The following PTPRN2 variants were observed in gnomAD, a reference collection of about 807,000 sequenced individuals.
PTPRN2 encodes the protein protein tyrosine phosphatase receptor type N2.
In PTPRN2, 74 loss-of-function variants were observed where a neutral mutation model predicts 118.8. The ratio of observed to expected loss-of-function variants is 0.62; its 90% CI spans 0.52 to 0.76. The LOEUF is 0.76. PTPRN2 is among the 30% of genes least tolerant of loss of function. The probability of loss-of-function intolerance (pLI) is 0.00; values close to 1 mark genes in which losing one functional copy is unlikely to be tolerated. For missense variants in PTPRN2, 1,481 were observed against 1,394.4 expected (o/e 1.06, Z -0.99); for synonymous variants, 641 against 608.0 (o/e 1.05, Z -0.80).
At chr7:157,655,124 T>G (rs560668738) in intron 14 of PTPRN2, among the ~76,000 whole-genome samples, 3 of 152,284 alleles carry the variant, frequency 2.0e-5, no homozygotes, top group African/African-American at 7.2e-5. Flanking sequence ...TTCTGGCGGG[T>G]GGTCCGGCTT....
Position 157,548,813 on chromosome 7 carries a change from C to A in PTPRN2, c.2976+133G>T, listed in dbSNP as rs532697109. On this transcript the variant is annotated intron_variant, in intron 22 of 22. Transcript: ENST00000389418. Reference sequence around the variant, plus strand: ...CCCGCCCATGCAAGGCCGGCATGGACGAGGCCGGTCAGAGCAGAGCAATCG... The same window carrying A: ...CCCGCCCATGCAAGGCCGGCATGGAAGAGGCCGGTCAGAGCAGAGCAATCG... 18 of 918,624 alleles carry A rather than the reference C, an allele frequency of 2.0e-5. No homozygotes were observed. The South Asian group carries it at 2.4e-4, about 12-fold the overall frequency. 56.9% of individuals were successfully genotyped at this position (918,624 alleles called of 1,614,324 possible).
chr7:158,397,628 G>A (rs1812619812), intron 2 of PTPRN2, among the ~76,000 whole-genome samples: 1 of 152,058 alleles, frequency 6.6e-6, no homozygotes, highest in East Asian at 1.9e-4. Flanking sequence ...GGCAGGTCTG[G>A]GCCTGTCCTG....
intron 12 of PTPRN2, among the ~76,000 whole-genome samples, chr7:157,802,593 G>C (rs1054616270): frequency 6.6e-6 from 1 of 152,214 alleles, no homozygotes; most frequent in Non-Finnish European, 1.5e-5. Flanking sequence ...ATAAATATCT[G>C]GAAGTGGGAT....
rs1217285461 is a variant in PTPRN2 at position 157,595,280 on chromosome 7, G to A, written c.2454C>T (p.Ala818=). 1.9e-6 allele frequency: 3 copies of A among 1,614,136 alleles called. No homozygotes were observed. The African/African-American group carries it at 4.0e-5, about 22-fold the overall frequency. ...CGGTGGCGGGCAGCGGTCCCTGGGT[G>A]GCGATGTACGCGGGGTTCCTCGGGT... is the stretch of plus-strand genomic sequence containing the variant. ...DHDPRNPAYI[A]TQGPLPATVA... The change falls in exon 17 of 23, where the codon GCC becomes GCT. Residue 818 remains alanine (A), a synonymous_variant. Transcript: ENST00000389418.
intron 1 of PTPRN2, among the ~76,000 whole-genome samples, chr7:158,515,717 A>C (rs939319121): frequency 6.7e-6 from 1 of 149,034 alleles, no homozygotes; most frequent in African/African-American, 2.5e-5. Context: ...CTGTTTCCCT[A>C]CTCTCCATCC....
chr7:158,395,771 GGT>G lies in PTPRN2; in HGVS notation c.164-78841_164-78840del, dbSNP rs530719128. ...GAGGGGTGAGGCGCGAGGGGCGAGG[GGT>G]GAGGCGCGAGGGGCGAGGGGTGAGG... On this transcript the variant is annotated intron_variant, in intron 2 of 22. Transcript: ENST00000389418. 1.9e-4 allele frequency among the ~76,000 whole-genome samples: 23 copies of G among 123,526 alleles called. 2 individuals carry two copies. Among genetic ancestry groups the G allele is most frequent in the African/African-American group, 6.2e-4 (19 of 30,812 alleles). The allele number at this position is 123,526 out of a possible 152,430, so 81.0% of individuals were successfully genotyped here.
At chr7:157,945,933 C>G (rs1297121764) in intron 11 of PTPRN2, among the ~76,000 whole-genome samples, 2 of 152,106 alleles carry the variant, frequency 1.3e-5, no homozygotes, top group African/African-American at 4.8e-5. Context: ...CCTGGACATC[C>G]CTACCCTGCT....
Position 157,918,521 on chromosome 7 carries a change from T to A in PTPRN2, c.1724-19784A>T, listed in dbSNP as rs1367621869. On this transcript the variant is annotated intron_variant, in intron 11 of 22. Transcript: ENST00000389418. Reference sequence around the variant, plus strand: ...AGTCATCTTCCTAGGACAGGTGCCTTCACTCGCATCAAACTACTCATTATC... The same window carrying A: ...AGTCATCTTCCTAGGACAGGTGCCTACACTCGCATCAAACTACTCATTATC... Among the ~76,000 whole-genome samples, 3 of 152,258 alleles carry A rather than the reference T, an allele frequency of 2.0e-5. No homozygotes were observed. In the East Asian group the frequency reaches 5.8e-4, roughly 29 times the overall value.
At chr7:157,556,633 GCACA>G (rs1377418880) in intron 21 of PTPRN2, among the ~76,000 whole-genome samples, 2 of 149,014 alleles carry the variant, frequency 1.3e-5, no homozygotes, top group South Asian at 2.1e-4. Flanking sequence ...ATATGCACAT[GCACA>G]CACACACATT....
At chr7:157,754,287 G>C (rs1254175453) in intron 12 of PTPRN2, among the ~76,000 whole-genome samples, 1 of 152,228 alleles carries the variant, frequency 6.6e-6, no homozygotes, top group Non-Finnish European at 1.5e-5. Flanking sequence ...GAGCCGTCAG[G>C]ACACTGAGCC....
chr7:157,976,075 G>A (rs549390815), intron 11 of PTPRN2, among the ~76,000 whole-genome samples: 2 of 152,252 alleles, frequency 1.3e-5, no homozygotes, highest in Non-Finnish European at 2.9e-5. Context: ...CCAAGTCCTT[G>A]TAGCACAAGG....
chr7:157,823,230 A>G (rs1806963154), intron 12 of PTPRN2, among the ~76,000 whole-genome samples: 3 of 152,266 alleles, frequency 2.0e-5, no homozygotes, highest in Non-Finnish European at 4.4e-5. Flanking sequence ...AATATTTAAT[A>G]AAACCTTAAA....
Position 157,974,907 on chromosome 7 carries a change from C to T in PTPRN2, c.1724-76170G>A, listed in dbSNP as rs1344368723. Among the ~76,000 whole-genome samples, 8 of 152,186 alleles carry T rather than the reference C, an allele frequency of 5.3e-5. No individual in the cohort carries two copies. In the East Asian group the frequency reaches 1.5e-3, roughly 29 times the overall value. ...CCCTCAGGCATGTTCACCATCATGG[C>T]GCACATGTCTGGGAGTGAGCAGAGG... On this transcript the variant is annotated intron_variant, in intron 11 of 22. Coordinates refer to ENST00000389418, the MANE Select transcript of PTPRN2 (RefSeq NM_002847.5). The surrounding 1 kb of genome is among the most constrained non-coding windows in gnomAD (Gnocchi z 4.0).
At chr7:158,201,057 GT>G (rs71302094) in intron 4 of PTPRN2, among the ~76,000 whole-genome samples, 37 of 147,978 alleles carry the variant, frequency 2.5e-4, no homozygotes, top group South Asian at 6.4e-4. Flanking sequence ...AAAAAAAGTG[GT>G]TTTTTTTTTT....
rs182429540 is a variant in PTPRN2 at position 158,201,864 on chromosome 7, C to T, written c.380+3307G>A. 1.3e-4 allele frequency among the ~76,000 whole-genome samples: 20 copies of T among 152,292 alleles called. No individual in the cohort carries two copies. The East Asian group carries it at 2.9e-3, about 22-fold the overall frequency. Reference sequence around the variant, plus strand: ...ACCAATGTATTTGATTGATGTCTCACGCCTCCCTAAAATCTATAAAACCAA... The same window carrying T: ...ACCAATGTATTTGATTGATGTCTCATGCCTCCCTAAAATCTATAAAACCAA... On this transcript the variant is annotated intron_variant, in intron 4 of 22. Transcript: ENST00000389418.
intron 2 of PTPRN2, among the ~76,000 whole-genome samples, chr7:158,406,532 G>A (rs1351440372): frequency 6.6e-6 from 1 of 152,258 alleles, no homozygotes; most frequent in Non-Finnish European, 1.5e-5. Context: ...AGGAAGAGCT[G>A]GTCATGCCTG....
rs185759510 is a variant in PTPRN2 at position 157,633,555 on chromosome 7, G to A, written c.2197-12046C>T. ...AGAAGATGCGGACAAGAGTCACGAC[G>A]CAGAGCCTGGGTGTGGGGACGGGGT... On this transcript the variant is annotated intron_variant, in intron 14 of 22. Transcript: ENST00000389418. Among the ~76,000 whole-genome samples, 384 of 152,334 alleles carry A rather than the reference G, an allele frequency of 2.5e-3. 2 individuals carry two copies. The highest frequency in any genetic ancestry group is 8.7e-3 in the African/African-American group (363 of 41,570).
At chr7:158,224,543 A>T (rs550662983) in intron 3 of PTPRN2, among the ~76,000 whole-genome samples, 1 of 152,322 alleles carries the variant, frequency 6.6e-6, no homozygotes, top group African/African-American at 2.4e-5. Flanking sequence ...TCCACAGGCA[A>T]AAACAGGAAC....
chr7:158,208,880 G>T (rs1827367336), intron 3 of PTPRN2, among the ~76,000 whole-genome samples: 1 of 152,050 alleles, frequency 6.6e-6, no homozygotes, highest in Middle Eastern at 3.2e-3. Context: ...ACAACAAAAA[G>T]TTAAAAAGTA....
Sources: allele counts gnomAD v4.1 joint callset (sites outside exome capture counted in the v4.1 genomes callset), GRCh38; gene constraint gnomAD v4.1.1; non-coding constraint Gnocchi (gnomAD v3.1); transcripts MANE v1.5; gene names NCBI Gene and HGNC (gene_info 2026-07-23, HGNC 2026-07-21).